Variants in SLC38A8 observed in about 807,000 individuals in gnomAD.
The protein encoded by SLC38A8 is solute carrier family 38 member 8, also known as amino acid transporter SLC38A8.
In SLC38A8, 65 loss-of-function variants were observed where a neutral mutation model predicts 46.0. The ratio of observed to expected loss-of-function variants is 1.41; its 90% CI spans 1.16 to 1.74. SLC38A8 has a LOEUF of 1.74. SLC38A8 is among the 40% of genes most tolerant of loss of function. The probability of loss-of-function intolerance (pLI) is 0.00; values close to 1 mark genes in which losing one functional copy is unlikely to be tolerated. For missense variants in SLC38A8, 998 were observed against 567.9 expected (o/e 1.76, Z -7.70); for synonymous variants, 447 against 243.7 (o/e 1.83, Z -7.77).
At chr16:84,031,243 G>A (rs746556599) in intron 5 of SLC38A8, among the ~76,000 whole-genome samples, 1 of 152,032 alleles carries the variant, frequency 6.6e-6, no homozygotes, top group Non-Finnish European at 1.5e-5. Context: ...GTTTCACCAT[G>A]TTGGCAAGGT....
intron 7 of SLC38A8, among the ~76,000 whole-genome samples, chr16:84,017,496 G>A (rs548222243): frequency 1.3e-5 from 2 of 152,262 alleles, no homozygotes; most frequent in South Asian, 2.1e-4. Context: ...AGACAAATCC[G>A]CCACTTATCC....
At position 84,042,170 on chromosome 16, in the gene SLC38A8, C is replaced by T. The variant is rs2151131857; in HGVS notation, c.-2-11G>A. 2 of 1,601,436 alleles carry T rather than the reference C, an allele frequency of 1.2e-6. No individual in the cohort carries two copies. Among genetic ancestry groups the T allele is most frequent in the East Asian group, 2.2e-5 (1 of 44,786 alleles). ...TCTGTCCCTCCATGGCTAGAGGCGG[C>T]AGAGGGGTGGAGAGAAAGCACAGTC... On this transcript the variant is annotated splice_polypyrimidine_tract_variant and intron_variant, in intron 1 of 10. Coordinates refer to ENST00000299709, the MANE Select transcript of SLC38A8 (RefSeq NM_001080442.3).
intron 7 of SLC38A8, among the ~76,000 whole-genome samples, chr16:84,021,255 C>T (rs571818282): frequency 1.3e-5 from 2 of 152,216 alleles, no homozygotes; most frequent in South Asian, 2.1e-4. Context: ...AATAGAAATG[C>T]GGTTTTACCA....
At chr16:84,016,269 T>A (rs1331723581) in intron 9 of SLC38A8, among the ~76,000 whole-genome samples, 1 of 152,190 alleles carries the variant, frequency 6.6e-6, no homozygotes, top group Non-Finnish European at 1.5e-5. Flanking sequence ...TTATTACAGT[T>A]CAAGGTGAGA....
Position 84,009,697 on chromosome 16 carries a change from G to T in SLC38A8, c.*87C>A. The T allele has an allele frequency of 8.7e-7, 1 of 1,143,534 alleles. No individual in the cohort carries two copies. 70.8% of individuals were successfully genotyped at this position (1,143,534 alleles called of 1,614,324 possible). A position where few individuals can be genotyped will look rare whatever the true frequency, so the allele number is the denominator to read the frequency against. On this transcript the variant is annotated 3_prime_UTR_variant, in exon 11 of 11. Transcript: ENST00000299709. ...CTCTCCAGCATCTTTATGAGGAAAA[G>T]AAATGGCATCGGTCTCCTGGCTGCA...
intron 7 of SLC38A8, among the ~76,000 whole-genome samples, chr16:84,019,390 C>A (rs1008015585): frequency 3.3e-5 from 5 of 152,128 alleles, no homozygotes; most frequent in African/African-American, 9.6e-5. Context: ...ATTTTTAACC[C>A]GAAATAATTA....
intron 7 of SLC38A8, among the ~76,000 whole-genome samples, chr16:84,018,750 C>T (rs1017389713): frequency 1.3e-5 from 2 of 152,076 alleles, no homozygotes; most frequent in East Asian, 1.9e-4. Flanking sequence ...TCTGATGAAG[C>T]GGCCGAAATG....
intron 8 of SLC38A8, 63 bp downstream of exon 8, chr16:84,017,077 C>A: frequency 6.3e-7 from 1 of 1,592,980 alleles, no homozygotes; most frequent in Non-Finnish European, 8.6e-7. Context: ...CTGGTACATG[C>A]TCAATCACAG....
intron 7 of SLC38A8, among the ~76,000 whole-genome samples, chr16:84,017,794 G>C (rs888252517): frequency 1.8e-4 from 28 of 152,232 alleles, no homozygotes; most frequent in African/African-American, 6.5e-4. Context: ...CTGTCACCCC[G>C]GGTTGCCTGC....
intron 4 of SLC38A8, among the ~76,000 whole-genome samples, chr16:84,032,262 C>A (rs1422616832): frequency 6.6e-6 from 1 of 152,172 alleles, no homozygotes; most frequent in Non-Finnish European, 1.5e-5. Flanking sequence ...AATCTTGGCT[C>A]ACTGCAAACT....
chr16:84,027,168 G>A lies in SLC38A8; in HGVS notation c.690+2326C>T, dbSNP rs529259543. Among the ~76,000 whole-genome samples the A allele has an allele frequency of 5.3e-5, 8 of 152,286 alleles. No homozygotes were observed. In the East Asian group the frequency reaches 1.2e-3, roughly 22 times the overall value. On this transcript the variant is annotated intron_variant, in intron 6 of 10. Coordinates refer to ENST00000299709, the MANE Select transcript of SLC38A8 (RefSeq NM_001080442.3). ...AGATCGAGACCAGCCTGGCCAACGT[G>A]TTGAAACCTCGTCTCTACTAAAAAT...
intron 7 of SLC38A8, among the ~76,000 whole-genome samples, chr16:84,018,290 T>G (rs1178370453): frequency 7.2e-6 from 1 of 138,634 alleles, no homozygotes; most frequent in Non-Finnish European, 1.5e-5. Context: ...TGGAGTGCAG[T>G]GGCACGATCT....
At chr16:84,038,945 C>G (rs903612430) in intron 2 of SLC38A8, among the ~76,000 whole-genome samples, 2 of 152,182 alleles carry the variant, frequency 1.3e-5, no homozygotes, top group African/African-American at 4.8e-5. Context: ...GTGAACGTGA[C>G]TTACTGGAAA....
intron 9 of SLC38A8, among the ~76,000 whole-genome samples, chr16:84,016,099 C>T (rs1454316752): frequency 3.5e-5 from 5 of 144,708 alleles, no homozygotes; most frequent in Admixed American, 1.5e-4. Flanking sequence ...TACATGGTGG[C>T]AGGCAGGCAA....
chr16:84,024,190 T>G (rs1421667776), intron 6 of SLC38A8, among the ~76,000 whole-genome samples: 1 of 152,028 alleles, frequency 6.6e-6, no homozygotes, highest in Admixed American at 6.6e-5. Flanking sequence ...CAAACCCCAC[T>G]CTGTGGTGCT....
At position 84,014,559 on chromosome 16, in the gene SLC38A8, G is replaced by T. The variant is rs115987398; in HGVS notation, c.1163-1507C>A. The stretch of plus-strand genomic sequence containing the variant: ...GGCCACACCCCTCTCCTCTCTAAAA[G>T]TTCCACCCAGAACCTGAGGGAGGAG... On this transcript the variant is annotated intron_variant, in intron 9 of 10. Coordinates refer to ENST00000299709, the MANE Select transcript of SLC38A8 (RefSeq NM_001080442.3). Among the ~76,000 whole-genome samples, 1,115 of 150,904 alleles carry T rather than the reference G, an allele frequency of 7.4e-3. 12 individuals carry two copies. Among genetic ancestry groups the T allele is most frequent in the African/African-American group, 0.026 (1,062 of 41,092 alleles).
intron 6 of SLC38A8, among the ~76,000 whole-genome samples, chr16:84,023,215 C>T (rs1346564127): frequency 6.6e-6 from 1 of 152,096 alleles, no homozygotes; most frequent in Non-Finnish European, 1.5e-5. Flanking sequence ...CTCTCCCTTA[C>T]CTGCCCACCT....
chr16:84,014,498 G>C (rs144659846), intron 9 of SLC38A8, among the ~76,000 whole-genome samples: 270 of 151,164 alleles, frequency 1.8e-3, no homozygotes, highest in African/African-American at 6.2e-3. Context: ...CCTCACCTGT[G>C]AAAGCGCCAC....
intron 2 of SLC38A8, among the ~76,000 whole-genome samples, chr16:84,037,547 G>A (rs2085314713): frequency 6.6e-6 from 1 of 152,116 alleles, no homozygotes; most frequent in Non-Finnish European, 1.5e-5. Context: ...GATCACCTGA[G>A]GTCAGGAGTT....
Sources: allele counts gnomAD v4.1 joint callset (sites outside exome capture counted in the v4.1 genomes callset), GRCh38; gene constraint gnomAD v4.1.1; transcripts MANE v1.5; gene names NCBI Gene and HGNC (gene_info 2026-07-23, HGNC 2026-07-21).